GPC5: variants seen among roughly 807,000 people sequenced by gnomAD.
GPC5 encodes the protein glypican-5.
A neutral mutation model predicts 53.9 loss-of-function variants in GPC5; 47 were observed. The observed-to-expected ratio is 0.87, with a 90% confidence interval of 0.69 to 1.11. The LOEUF is 1.11. Among genes scored for constraint, GPC5 ranks in the 50% most tolerant of loss-of-function variants. GPC5 has a pLI of 0.00. For synonymous variants in GPC5, 286 were observed against 263.3 expected (o/e 1.09, Z -0.84); for missense variants, 748 against 713.1 (o/e 1.05, Z -0.56).
intron 7 of GPC5, among the ~76,000 whole-genome samples, chr13:92,279,678 G>A (rs2042900250): frequency 6.6e-6 from 1 of 151,860 alleles, no homozygotes. Flanking sequence ...TGCTGAGATG[G>A]TCATGAGTTT....
At chr13:91,937,743 A>G (rs1462493840) in intron 6 of GPC5, among the ~76,000 whole-genome samples, 1 of 152,140 alleles carries the variant, frequency 6.6e-6, no homozygotes, top group Admixed American at 6.6e-5. Context: ...TAGACCGGAT[A>G]AGACAAGCAA....
chr13:91,616,295 C>A (rs765329565), intron 2 of GPC5, among the ~76,000 whole-genome samples: 5 of 150,892 alleles, frequency 3.3e-5, no homozygotes, highest in Non-Finnish European at 6.0e-5. Context: ...ATTTAAAGAT[C>A]CTTTCTTCAA....
chr13:92,550,782 GCAA>G (rs2139015720), intron 7 of GPC5, among the ~76,000 whole-genome samples: 1 of 151,904 alleles, frequency 6.6e-6, no homozygotes, highest in Admixed American at 6.6e-5. Context: ...ATTATCAGCA[GCAA>G]CAACAGCAGC....
intron 6 of GPC5, among the ~76,000 whole-genome samples, chr13:92,116,651 CTGTG>C (rs1164715116): frequency 6.6e-6 from 1 of 152,188 alleles, no homozygotes; most frequent in East Asian, 1.9e-4. Context: ...TCAAAAGTGA[CTGTG>C]TGACTTGGCA....
chr13:91,510,711 G>A (rs1029610139), intron 2 of GPC5, among the ~76,000 whole-genome samples: 6 of 151,984 alleles, frequency 3.9e-5, no homozygotes, highest in Admixed American at 2.6e-4. Flanking sequence ...ACAGATTCCA[G>A]CTTCACTGTA....
At chr13:92,344,368 G>C (rs1375042036) in intron 7 of GPC5, among the ~76,000 whole-genome samples, 2 of 152,000 alleles carry the variant, frequency 1.3e-5, no homozygotes, top group African/African-American at 4.8e-5. Context: ...CGACATGCAG[G>C]GATTATGGGA....
At chr13:92,257,883 G>A (rs925261923) in intron 7 of GPC5, among the ~76,000 whole-genome samples, 1 of 152,100 alleles carries the variant, frequency 6.6e-6, no homozygotes, top group South Asian at 2.1e-4. Context: ...CCTTTGAGTT[G>A]CGGAACTCAT....
intron 6 of GPC5, among the ~76,000 whole-genome samples, chr13:92,091,727 T>A (rs1163421962): frequency 6.9e-6 from 1 of 144,764 alleles, no homozygotes; most frequent in African/African-American, 2.6e-5. Flanking sequence ...AAGTTCCCAA[T>A]GCACAAATCA....
At chr13:91,718,120 G>T (rs2036382183) in intron 3 of GPC5, among the ~76,000 whole-genome samples, 1 of 150,976 alleles carries the variant, frequency 6.6e-6, no homozygotes, top group Non-Finnish European at 1.5e-5. Flanking sequence ...TGTTGTTGTT[G>T]TTGTTGTTGA....
intron 7 of GPC5, among the ~76,000 whole-genome samples, chr13:92,610,516 G>A (rs1350865686): frequency 1.3e-5 from 2 of 152,082 alleles, no homozygotes; most frequent in Non-Finnish European, 1.5e-5. Flanking sequence ...GTCGCACTGA[G>A]GCAGCTTATG....
chr13:92,658,937 T>TG (rs1203958519), intron 7 of GPC5: 1 of 138,444 alleles, frequency 7.2e-6, no homozygotes, highest in African/African-American at 2.6e-5. Context: ...TTTTTTTTTT[T>TG]TTTTTTTTTG....
At chr13:92,447,193 C>T (rs2139394107) in intron 7 of GPC5, 1 of 152,226 alleles carries the variant, frequency 6.6e-6, no homozygotes, top group South Asian at 2.1e-4. Context: ...AGGTATTATT[C>T]AAGAAATCTT....
At chr13:91,743,338 G>T (rs1355383933) in intron 4 of GPC5, among the ~76,000 whole-genome samples, 4 of 152,064 alleles carry the variant, frequency 2.6e-5, no homozygotes, top group Admixed American at 1.3e-4. Context: ...AATTATTTCA[G>T]AATTTTTGGC....
At chr13:92,042,522 T>G (rs1232492340) in intron 6 of GPC5, among the ~76,000 whole-genome samples, 1 of 151,846 alleles carries the variant, frequency 6.6e-6, no homozygotes, top group Admixed American at 6.6e-5. Flanking sequence ...AGCAGCAACA[T>G]GTTTGAGAAG....
intron 7 of GPC5, among the ~76,000 whole-genome samples, chr13:92,845,447 G>GA (rs1199827787): frequency 6.6e-6 from 1 of 151,984 alleles, no homozygotes; most frequent in South Asian, 2.1e-4. Flanking sequence ...TGAAACCCAG[G>GA]AAAAAAGTGA....
At chr13:92,017,761 AAC>A (rs1029251993) in intron 6 of GPC5, among the ~76,000 whole-genome samples, 11 of 151,990 alleles carry the variant, frequency 7.2e-5, no homozygotes, top group Non-Finnish European at 1.3e-4. Context: ...CCACAAAATA[AAC>A]ACACACGTGC....
intron 7 of GPC5, among the ~76,000 whole-genome samples, chr13:92,676,195 T>G (rs188897904): frequency 1.3e-5 from 2 of 152,142 alleles, no homozygotes; most frequent in Admixed American, 1.3e-4. Context: ...CATTGATGGT[T>G]GGTGAAAATT....
At chr13:92,290,105 T>C (rs1330349853) in intron 7 of GPC5, among the ~76,000 whole-genome samples, 2 of 152,206 alleles carry the variant, frequency 1.3e-5, no homozygotes, top group Middle Eastern at 3.2e-3. Flanking sequence ...CTGATAGTAC[T>C]ATAAAATAAA....
At chr13:91,676,268 A>G (rs1257243951) in intron 2 of GPC5, among the ~76,000 whole-genome samples, 1 of 152,010 alleles carries the variant, frequency 6.6e-6, no homozygotes, top group Non-Finnish European at 1.5e-5. Flanking sequence ...ACAGGGTTTC[A>G]CCACATTGGC....
Sources: gnomAD v4.1 joint callset for allele counts (sites outside exome capture counted in the v4.1 genomes callset) on GRCh38, gnomAD v4.1.1 for gene constraint, MANE v1.5 for transcripts, NCBI Gene and HGNC (gene_info 2026-07-23, HGNC 2026-07-21) for gene names.